Variants in ROBO1 observed in about 807,000 individuals in gnomAD.
ROBO1 encodes roundabout homolog 1.
A neutral mutation model predicts 195.9 loss-of-function variants in ROBO1; 149 were observed. The observed-to-expected ratio is 0.76, with a 90% CI of 0.67 to 0.87. ROBO1 has a LOEUF of 0.87. ROBO1 is among the 40% of genes least tolerant of loss of function. ROBO1 has a pLI of 0.00. For missense variants in ROBO1, 1,933 were observed against 2,068.3 expected, an observed-to-expected ratio of 0.93 and a Z score of 1.27; for synonymous variants, 816 against 733.2, an observed-to-expected ratio of 1.11 and a Z score of -1.82.
intron 4 of ROBO1, among the ~76,000 whole-genome samples, chr3:78,893,228 C>T (rs557735968): frequency 2.8e-4 from 42 of 152,254 alleles, no homozygotes; most frequent in African/African-American, 8.4e-4. Flanking sequence ...TATTAAGAAG[C>T]GAAGCTGTTA....
intron 4 of ROBO1, among the ~76,000 whole-genome samples, chr3:78,909,990 C>A (rs1047027473): frequency 1.3e-5 from 2 of 151,606 alleles, no homozygotes; most frequent in Admixed American, 6.6e-5. Context: ...TGAAATTCTT[C>A]AAAATTTAAT....
At chr3:78,987,967 T>A (rs547357401) in intron 3 of ROBO1, among the ~76,000 whole-genome samples, 1 of 152,238 alleles carries the variant, frequency 6.6e-6, no homozygotes, top group African/African-American at 2.4e-5. Context: ...CAAATATAAA[T>A]AATAAATAAT....
intron 1 of ROBO1, among the ~76,000 whole-genome samples, chr3:79,764,558 T>G (rs1001468416): frequency 3.9e-5 from 6 of 152,218 alleles, no homozygotes; most frequent in African/African-American, 1.4e-4. Context: ...CTGCCTTGCT[T>G]TTTTTCATTT....
At chr3:78,707,086 C>G (rs1311474436) in intron 8 of ROBO1, among the ~76,000 whole-genome samples, 1 of 152,120 alleles carries the variant, frequency 6.6e-6, no homozygotes, top group Non-Finnish European at 1.5e-5. Flanking sequence ...TCTTGTTTTA[C>G]TGAAAGTTAT....
At chr3:79,441,012 A>T (rs1030563758) in intron 2 of ROBO1, among the ~76,000 whole-genome samples, 9 of 152,158 alleles carry the variant, frequency 5.9e-5, no homozygotes, top group African/African-American at 2.2e-4. Flanking sequence ...TGACATACGG[A>T]GCAATTCATA....
chr3:79,269,279 C>T (rs2030294469), intron 2 of ROBO1, among the ~76,000 whole-genome samples: 1 of 151,736 alleles, frequency 6.6e-6, no homozygotes, highest in African/African-American at 2.4e-5. Context: ...AGGATCAGCG[C>T]CATATTCATT....
At chr3:78,994,134 T>G (rs572298826) in intron 3 of ROBO1, among the ~76,000 whole-genome samples, 3 of 152,308 alleles carry the variant, frequency 2.0e-5, no homozygotes, top group Admixed American at 6.5e-5. Flanking sequence ...AAGATCAATA[T>G]AGATACAGAA....
intron 4 of ROBO1, among the ~76,000 whole-genome samples, chr3:78,870,312 AT>A (rs2107134676): frequency 6.6e-6 from 1 of 152,214 alleles, no homozygotes; most frequent in Non-Finnish European, 1.5e-5. Context: ...GAGGTTGCTG[AT>A]ATTAGGGTTT....
At chr3:78,909,536 T>C (rs894329740) in intron 4 of ROBO1, among the ~76,000 whole-genome samples, 3 of 151,868 alleles carry the variant, frequency 2.0e-5, no homozygotes, top group African/African-American at 7.2e-5. Context: ...CAAGCATCTT[T>C]TATCTAACTA....
At chr3:79,660,490 T>C (rs1354286197) in intron 1 of ROBO1, among the ~76,000 whole-genome samples, 1 of 152,088 alleles carries the variant, frequency 6.6e-6, no homozygotes, top group Non-Finnish European at 1.5e-5. Flanking sequence ...TCTGCAAACC[T>C]GTGCCCTGAA....
At chr3:78,673,565 TA>T (rs1559727751) in intron 10 of ROBO1, among the ~76,000 whole-genome samples, 613 of 20,080 alleles carry the variant, frequency 0.031, 6 homozygotes, top group African/African-American at 0.13. Context: ...ATATATTTTA[TA>T]TATATATATA....
At chr3:79,032,847 C>T (rs2078320312) in intron 3 of ROBO1, among the ~76,000 whole-genome samples, 1 of 151,946 alleles carries the variant, frequency 6.6e-6, no homozygotes, top group Non-Finnish European at 1.5e-5. Flanking sequence ...CAGAAAATCC[C>T]TCCCCTATGA....
chr3:78,769,814 G>T (rs531792216), intron 4 of ROBO1, among the ~76,000 whole-genome samples: 1 of 152,124 alleles, frequency 6.6e-6, no homozygotes, highest in Non-Finnish European at 1.5e-5. Context: ...GAAAATAACT[G>T]TATCTTTCCT....
At chr3:78,851,951 A>C (rs1457086769) in intron 4 of ROBO1, among the ~76,000 whole-genome samples, 1 of 152,100 alleles carries the variant, frequency 6.6e-6, no homozygotes, top group Non-Finnish European at 1.5e-5. Flanking sequence ...TAATATATTA[A>C]ACAGTATAAG....
chr3:79,675,936 G>C (rs7430666), intron 1 of ROBO1, among the ~76,000 whole-genome samples: 2 of 151,740 alleles, frequency 1.3e-5, no homozygotes, highest in Non-Finnish European at 2.9e-5. Context: ...CACAATTGTC[G>C]ATAAAAAGGT....
Position 78,661,147 on chromosome 3 carries a change from T to A in ROBO1, c.2203A>T (p.Ser735Cys), listed in dbSNP as rs574447995. The A allele has an allele frequency of 9.3e-6, 15 of 1,613,860 alleles. No homozygotes were observed. The Admixed American group carries it at 2.5e-4, about 27-fold the overall frequency. ...TTTCTGAGATCAGGGATTACCACAC[T>A]GTTTTTGGCTGGCGTCCTCACTTCA... ...VFEVRTPAKN[S>C]VVIPDLRKGV... The change falls in exon 16 of 31, where the codon AGT becomes TGT. Residue 735 changes from serine (S) to cysteine (C), a missense_variant. Ser to Cys is a moderately radical substitution (Grantham distance 112). This residue lies in a region of ROBO1 where 1,737 missense variants were observed against 1,882.5 expected (regional missense o/e 0.92). Transcript: ENST00000464233.
chr3:79,709,090 G>A (rs1436010787), intron 1 of ROBO1, among the ~76,000 whole-genome samples: 1 of 151,908 alleles, frequency 6.6e-6, no homozygotes, highest in African/African-American at 2.4e-5. Context: ...GTAAAAGAGT[G>A]GGAAGTACAT....
chr3:79,371,789 C>T (rs1471158107), intron 2 of ROBO1, among the ~76,000 whole-genome samples: 2 of 152,130 alleles, frequency 1.3e-5, no homozygotes, highest in Non-Finnish European at 2.9e-5. Context: ...TCTAAGGAAA[C>T]AATTAAAGTT....
intron 4 of ROBO1, among the ~76,000 whole-genome samples, chr3:78,795,846 G>C (rs1045422366): frequency 6.6e-6 from 1 of 151,382 alleles, no homozygotes; most frequent in Non-Finnish European, 1.5e-5. Flanking sequence ...CTAAGGAACT[G>C]GGAAGGAGAT....
Sources: gnomAD v4.1 joint callset for allele counts (sites outside exome capture counted in the v4.1 genomes callset) on GRCh38, gnomAD v4.1.1 for gene constraint, gnomAD v4.1.1 regional missense constraint, MANE v1.5 for transcripts, NCBI Gene and HGNC (gene_info 2026-07-23, HGNC 2026-07-21) for gene names.